The following RPSA2 variants were observed in gnomAD, a reference collection of about 807,000 sequenced individuals.
RPSA2 encodes small ribosomal subunit protein uS2B.
chr19:23,849,416 G>A, the RPSA2 span, among the ~76,000 whole-genome samples: 3 of 152,134 alleles, frequency 2.0e-5, no homozygotes, highest in African/African-American at 7.2e-5. Context: ...AGAGGAAAAG[G>A]GTTTAAAGGG....
chr19:23,820,861 C>T, the RPSA2 span, among the ~76,000 whole-genome samples: 2 of 152,176 alleles, frequency 1.3e-5, no homozygotes, highest in Non-Finnish European at 2.9e-5. Flanking sequence ...TGCAATGTTA[C>T]TACTGCATAC....
the RPSA2 span, among the ~76,000 whole-genome samples, chr19:23,871,068 C>T: frequency 6.6e-6 from 1 of 152,186 alleles, no homozygotes; most frequent in Admixed American, 6.5e-5. Context: ...CCCCTTCTCC[C>T]TATCTCCTTT....
the RPSA2 span, among the ~76,000 whole-genome samples, chr19:23,816,983 A>T: frequency 2.0e-5 from 3 of 150,662 alleles, no homozygotes; most frequent in African/African-American, 7.3e-5. Context: ...ATTTTAAAAA[A>T]TGGAGTTTAC....
the RPSA2 span, among the ~76,000 whole-genome samples, chr19:23,786,837 T>TA: frequency 2.0e-5 from 3 of 152,144 alleles, no homozygotes; most frequent in Non-Finnish European, 4.4e-5. Context: ...GAGAGTCTCC[T>TA]ACCTGTGCCC....
chr19:23,794,161 C>T, the RPSA2 span, among the ~76,000 whole-genome samples: 91 of 152,262 alleles, frequency 6.0e-4, no homozygotes, highest in East Asian at 0.014. Context: ...GCAGTGAACA[C>T]GCTTGTGCAT....
At chr19:23,867,829 C>CAA in the RPSA2 span, among the ~76,000 whole-genome samples, 1,342 of 121,314 alleles carry the variant, frequency 0.011, 26 homozygotes, top group African/African-American at 0.039. Flanking sequence ...GACTCCGTCT[C>CAA]AAAAAAAAAA....
the RPSA2 span, among the ~76,000 whole-genome samples, chr19:23,796,161 T>G: frequency 6.6e-6 from 1 of 152,216 alleles, no homozygotes; most frequent in African/African-American, 2.4e-5. Context: ...GGTTTTTGAG[T>G]TTTTAACATA....
At chr19:23,773,689 T>G in the RPSA2 span, among the ~76,000 whole-genome samples, 1 of 152,134 alleles carries the variant, frequency 6.6e-6, no homozygotes, top group Non-Finnish European at 1.5e-5. Context: ...ATAGAGGTAG[T>G]CAGAGGTGGA....
chr19:23,770,559 T>C, the RPSA2 span, among the ~76,000 whole-genome samples: 1 of 152,218 alleles, frequency 6.6e-6, no homozygotes, highest in Non-Finnish European at 1.5e-5. Flanking sequence ...TAAGTGGCCT[T>C]GTGAAATATC....
At chr19:23,766,475 A>G in the RPSA2 span, among the ~76,000 whole-genome samples, 1 of 142,312 alleles carries the variant, frequency 7.0e-6, no homozygotes, top group African/African-American at 2.6e-5. Context: ...TTTTTGAGAC[A>G]GAGTCTTGCT....
At chr19:23,765,396 CTA>C in the RPSA2 span, among the ~76,000 whole-genome samples, 1 of 152,086 alleles carries the variant, frequency 6.6e-6, no homozygotes, top group Non-Finnish European at 1.5e-5. Context: ...ACCTAAATGC[CTA>C]TCAGTGATAG....
the RPSA2 span, among the ~76,000 whole-genome samples, chr19:23,850,549 G>T: frequency 2.0e-5 from 3 of 150,248 alleles, no homozygotes; most frequent in East Asian, 2.0e-4. Flanking sequence ...CTCTGACACA[G>T]ACGTCTTTTC....
the RPSA2 span, among the ~76,000 whole-genome samples, chr19:23,842,995 T>C: frequency 1.3e-5 from 2 of 152,180 alleles, no homozygotes; most frequent in African/African-American, 2.4e-5. Flanking sequence ...TATTGGATAG[T>C]AGAGCTAAGG....
chr19:23,839,340 C>T, the RPSA2 span, among the ~76,000 whole-genome samples: 22 of 152,074 alleles, frequency 1.4e-4, no homozygotes, highest in East Asian at 5.8e-4. Context: ...TATTGAGGCG[C>T]GTTATGATTG....
the RPSA2 span, among the ~76,000 whole-genome samples, chr19:23,823,141 G>C: frequency 2.0e-5 from 3 of 152,190 alleles, no homozygotes; most frequent in Admixed American, 1.3e-4. Flanking sequence ...GTATTTCACA[G>C]AGAGTTCTCA....
the RPSA2 span, among the ~76,000 whole-genome samples, chr19:23,801,310 G>C: frequency 8.4e-6 from 1 of 118,680 alleles, no homozygotes; most frequent in Non-Finnish European, 1.8e-5. Flanking sequence ...CGTGATCTCG[G>C]CTCACTGCAA....
At chr19:23,794,662 T>G in the RPSA2 span, among the ~76,000 whole-genome samples, 1 of 152,214 alleles carries the variant, frequency 6.6e-6, no homozygotes, top group Admixed American at 6.5e-5. Context: ...GATAGTTTCC[T>G]TTGCTGTGAA....
chr19:23,761,921 T>TTTCTTTCTTTCTTTC, the RPSA2 span, among the ~76,000 whole-genome samples: 1 of 76,142 alleles, frequency 1.3e-5, no homozygotes, highest in African/African-American at 5.2e-5. Flanking sequence ...TCTTTCTTTC[T>TTTCTTTCTTTCTTTC]TTTTTTTTTT....
At chr19:23,830,048 A>C in the RPSA2 span, among the ~76,000 whole-genome samples, 1 of 36,146 alleles carries the variant, frequency 2.8e-5, no homozygotes, top group Non-Finnish European at 5.3e-5. Flanking sequence ...ATTACTTTGG[A>C]AGGTTTTTTT....
Sources: allele counts gnomAD v4.1 joint callset (sites outside exome capture counted in the v4.1 genomes callset), GRCh38; gene constraint gnomAD v4.1.1; transcripts MANE v1.5; gene names NCBI Gene and HGNC (gene_info 2026-07-23, HGNC 2026-07-21).